ZNF653: variants seen among roughly 807,000 people sequenced by gnomAD.
The protein encoded by ZNF653 is zinc finger protein 653.
In ZNF653, 37 loss-of-function variants were observed where a neutral mutation model predicts 59.9. The observed-to-expected ratio is 0.62, with a 90% confidence interval of 0.48 to 0.81. The LOEUF (loss-of-function observed/expected upper bound fraction) is 0.81, where lower values mean the gene tolerates loss of function less well. ZNF653 is among the 40% of genes least tolerant of loss of function. ZNF653 has a pLI of 0.00. For synonymous variants in ZNF653, 435 were observed against 371.8 expected (o/e 1.17, Z -1.96); for missense variants, 808 against 881.1 (o/e 0.92, Z 1.05).
chr19:11,504,590 G>C lies in ZNF653; in HGVS notation c.299+898C>G, dbSNP rs904493221. On this transcript the variant is annotated intron_variant, in intron 1 of 8. Coordinates refer to ENST00000293771, the MANE Select transcript of ZNF653 (RefSeq NM_138783.4). ...GAAAGGGGTGGGTATAACTTAGCAGGATCTGTTTGATTCTTGACTCTCAGA... is the reference window on the plus strand; with the variant it reads ...GAAAGGGGTGGGTATAACTTAGCAGCATCTGTTTGATTCTTGACTCTCAGA... The C allele has an allele frequency of 1.4e-5, 14 of 984,710 alleles. No individual in the cohort carries two copies. In the African/African-American group the frequency reaches 2.3e-4, roughly 16 times the overall value. The allele number at this position is 984,710 out of a possible 1,614,324, so 61.0% of individuals were successfully genotyped here.
Position 11,505,578 on chromosome 19 carries a change from AC to A in ZNF653, c.208del (p.Val70TrpfsTer51). ...CCAGCCGCTGCGGCGCCGCAGGTCC[AC>A]CCAGGGCCCGTGCGCCTCGCCCAGG... ...VYLGEAHGPW[V>X]DLRRRSGWSD... On this transcript the variant is annotated frameshift_variant, in exon 1 of 9. Transcript: ENST00000293771. LOFTEE classifies it high-confidence loss of function. 1 of 1,513,512 alleles carries A rather than the reference AC, an allele frequency of 6.6e-7. No individual in the cohort carries two copies. The highest frequency in any genetic ancestry group is 8.8e-7 in the Non-Finnish European group (1 of 1,139,966). 93.8% of individuals were successfully genotyped at this position (1,513,512 alleles called of 1,614,324 possible). A position where few individuals can be genotyped will look rare whatever the true frequency, so the allele number is the denominator to read the frequency against.
intron 3 of ZNF653, among the ~76,000 whole-genome samples, chr19:11,489,142 C>T (rs1048716149): frequency 1.3e-5 from 2 of 151,744 alleles, no homozygotes; most frequent in African/African-American, 4.8e-5. Context: ...TTGGGTGATC[C>T]ATCCACCTCG....
chr19:11,495,653 C>T lies in ZNF653; in HGVS notation c.559+297G>A. On this transcript the variant is annotated intron_variant, in intron 3 of 8. Coordinates refer to ENST00000293771, the MANE Select transcript of ZNF653 (RefSeq NM_138783.4). The surrounding 1 kb of genome is among the most constrained non-coding windows in gnomAD (Gnocchi z 4.9). The stretch of plus-strand genomic sequence containing the variant: ...CCCAGCAGGCCTGCCCCCGCCCCAG[C>T]TGCCAAGCCAGGGCTCCTGGGCCCT... 1 of 429,044 alleles carries T rather than the reference C, an allele frequency of 2.3e-6. No homozygotes were observed. Among genetic ancestry groups the T allele is most frequent in the Non-Finnish European group, 4.3e-6 (1 of 231,186 alleles). The allele number at this position is 429,044 out of a possible 1,614,324, so 26.6% of individuals were successfully genotyped here. A position where few individuals can be genotyped will look rare whatever the true frequency, so the allele number is the denominator to read the frequency against.
chr19:11,495,625 T>TGCCCCAGCAGGCCTGCCCCC lies in ZNF653; in HGVS notation c.559+305_559+324dup, dbSNP rs1971578745. ...CCGTTTCGCTGTGGGGGCCGAGCCC[T>TGCCCCAGCAGGCCTGCCCCC]GCCCCAGCAGGCCTGCCCCCGCCCC... On this transcript the variant is annotated intron_variant, in intron 3 of 8. Coordinates refer to ENST00000293771, the MANE Select transcript of ZNF653 (RefSeq NM_138783.4). The surrounding 1 kb of genome is among the most constrained non-coding windows in gnomAD (Gnocchi z 4.9). 5.1e-6 allele frequency: 2 copies of TGCCCCAGCAGGCCTGCCCCC among 389,234 alleles called. No homozygotes were observed. Among genetic ancestry groups the TGCCCCAGCAGGCCTGCCCCC allele is most frequent in the South Asian group, 2.4e-5 (1 of 40,998 alleles). 24.1% of individuals were successfully genotyped at this position (389,234 alleles called of 1,614,324 possible).
At chr19:11,494,887 G>A (rs1233609128) in intron 3 of ZNF653, among the ~76,000 whole-genome samples, 1 of 152,198 alleles carries the variant, frequency 6.6e-6, no homozygotes, top group Non-Finnish European at 1.5e-5. Context: ...GCTCTGGGCA[G>A]GGCCAGGAGT....
At chr19:11,502,159 T>C (rs1229614006) in intron 1 of ZNF653, among the ~76,000 whole-genome samples, 2 of 151,876 alleles carry the variant, frequency 1.3e-5, no homozygotes, top group Non-Finnish European at 2.9e-5. Flanking sequence ...TGGCGCGATC[T>C]CGGCTCACTG....
At chr19:11,505,395 G>A in intron 1 of ZNF653, 93 bp downstream of exon 1, 1 of 1,285,766 alleles carries the variant, frequency 7.8e-7, no homozygotes, top group Non-Finnish European at 1.0e-6. Flanking sequence ...GCAGGTGCCG[G>A]GGGCTGGCCC....
At chr19:11,493,357 CT>C (rs143486173) in intron 3 of ZNF653, among the ~76,000 whole-genome samples, 6,789 of 152,166 alleles carry the variant, frequency 0.045, 179 homozygotes, top group Admixed American at 0.072. Flanking sequence ...CGTGCCCAGC[CT>C]TTGTTTTGGG....
chr19:11,497,242 T>A (rs1415548963), intron 2 of ZNF653, among the ~76,000 whole-genome samples: 1 of 152,208 alleles, frequency 6.6e-6, no homozygotes, highest in Non-Finnish European at 1.5e-5. Context: ...GAATGTCAGC[T>A]CCTCAAGAGC....
In ZNF653 at chr19:11,484,022, CG is replaced by C; in HGVS notation, c.1670+19del. ...CCTCCCACCCAATCCTCTAGCGGCA[CG>C]GGGCGGCCTGTCACTCACTGCAGGG... On this transcript the variant is annotated intron_variant, in intron 8 of 8. Coordinates refer to ENST00000293771, the MANE Select transcript of ZNF653 (RefSeq NM_138783.4). 6.5e-7 allele frequency: 1 copy of C among 1,550,052 alleles called. No homozygotes were observed. Among genetic ancestry groups the C allele is most frequent in the African/African-American group, 1.4e-5 (1 of 73,226 alleles).
intron 3 of ZNF653, 137 bp from the exon 4 acceptor site, chr19:11,488,040 T>C: frequency 4.7e-6 from 4 of 857,186 alleles, no homozygotes; most frequent in Non-Finnish European, 6.0e-6. Context: ...CAGGCTGGAG[T>C]GCAGTGGTGC....
Position 11,487,155 on chromosome 19 carries a change from T to A in ZNF653, c.1175A>T (p.Lys392Met). The A allele has an allele frequency of 1.9e-6, 3 of 1,610,994 alleles. No homozygotes were observed. Among genetic ancestry groups the A allele is most frequent in the Non-Finnish European group, 2.5e-6 (3 of 1,179,880 alleles). Residue 392 changes from lysine to methionine, a missense_variant, in exon 5 of 9, where the codon AAG becomes ATG. Transcript: ENST00000293771. This position sits in a 1 kb window ranked among gnomAD's most constrained non-coding sequence, Gnocchi z 5.1. ...CTTCTTTAGCAAGCACAGGTCCTCC[T>A]TCTCTACAGGGTGGACACAGGGTGG... Reference protein sequence around the residue: ...AVAGIETKKEKEDLCLLKKEE... With the variant: ...AVAGIETKKEMEDLCLLKKEE...
Position 11,496,013 on chromosome 19 carries a change from A to G in ZNF653, c.496T>C (p.Tyr166His). The G allele has an allele frequency of 6.2e-7, 1 of 1,614,158 alleles. No homozygotes were observed. ...AGGGGCGAATGCAGGTCCTGGAAGT[A>G]GCGGTGGCCAGCTTCGCACTGCCAC... ...AVWQCEAGHRYFQDLHSPLKP... is the reference protein window; with the variant it reads ...AVWQCEAGHRHFQDLHSPLKP... The change falls in exon 3 of 9, where the codon TAC becomes CAC. Residue 166 changes from tyrosine (Y) to histidine (H), a missense_variant. Coordinates refer to ENST00000293771, the MANE Select transcript of ZNF653 (RefSeq NM_138783.4).
chr19:11,495,838 G>T lies in ZNF653; in HGVS notation c.559+112C>A. 8.6e-7 allele frequency: 1 copy of T among 1,160,710 alleles called. No individual in the cohort carries two copies. The highest frequency in any genetic ancestry group is 1.2e-6 in the Non-Finnish European group (1 of 822,400). The allele number at this position is 1,160,710 out of a possible 1,614,324, so 71.9% of individuals were successfully genotyped here. On this transcript the variant is annotated intron_variant, in intron 3 of 8. Coordinates refer to ENST00000293771, the MANE Select transcript of ZNF653 (RefSeq NM_138783.4). This position sits in a 1 kb window ranked among gnomAD's most constrained non-coding sequence, Gnocchi z 4.9. ...GTCCCTGCTCTGCCCCAGTGCCAGA[G>T]CCAGAGCCAGAGCCACTGTGGCTGC...
At position 11,485,669 on chromosome 19, in the gene ZNF653, C is replaced by A; in HGVS notation, c.1557G>T (p.Met519Ile). Residue 519 changes from methionine (M) to isoleucine (I), a missense_variant, in exon 7 of 9, where the codon ATG becomes ATT. Coordinates refer to ENST00000293771, the MANE Select transcript of ZNF653 (RefSeq NM_138783.4). Reference sequence around the variant, plus strand: ...CCAGGGCCTGACCTGAATGGATGATCATGTGCCGCCGCAGGTGGTTGGATA... The same window carrying A: ...CCAGGGCCTGACCTGAATGGATGATAATGTGCCGCCGCAGGTGGTTGGATA... ...FYLSNHLRRHMIIHSGVREFT... is the reference protein window; with the variant it reads ...FYLSNHLRRHIIIHSGVREFT... The A allele has an allele frequency of 6.2e-7, 1 of 1,613,880 alleles. No individual in the cohort carries two copies. Among genetic ancestry groups the A allele is most frequent in the Non-Finnish European group, 8.5e-7 (1 of 1,179,840 alleles).
chr19:11,491,655 T>C (rs1038442772), intron 3 of ZNF653, among the ~76,000 whole-genome samples: 3 of 152,102 alleles, frequency 2.0e-5, no homozygotes, highest in Non-Finnish European at 4.4e-5. Flanking sequence ...TGGCACGATC[T>C]TGGCTCACTG....
At chr19:11,499,282 G>A (rs1051062228) in intron 1 of ZNF653, among the ~76,000 whole-genome samples, 1 of 152,238 alleles carries the variant, frequency 6.6e-6, no homozygotes, top group Non-Finnish European at 1.5e-5. Flanking sequence ...CAGTTCTGCT[G>A]GGACACATGC....
At chr19:11,485,510 A>T in intron 7 of ZNF653, 146 bp downstream of exon 7, 1 of 613,640 alleles carries the variant, frequency 1.6e-6, no homozygotes, top group Non-Finnish European at 2.9e-6. Flanking sequence ...GCTACAGCTT[A>T]CTGAGGACAG....
At chr19:11,505,339 G>C in intron 1 of ZNF653, 149 bp downstream of exon 1, 1 of 779,686 alleles carries the variant, frequency 1.3e-6, no homozygotes, top group Non-Finnish European at 1.8e-6. Flanking sequence ...GTCCCGGCCA[G>C]GCAGTACGAG....
Sources: gnomAD v4.1 joint callset for allele counts (sites outside exome capture counted in the v4.1 genomes callset) on GRCh38, gnomAD v4.1.1 for gene constraint, Gnocchi (gnomAD v3.1) non-coding constraint, MANE v1.5 for transcripts, NCBI Gene and HGNC (gene_info 2026-07-23, HGNC 2026-07-21) for gene names.